ELFN1: variants seen among roughly 807,000 people sequenced by gnomAD.
The protein encoded by ELFN1 is protein ELFN1.
Under a neutral mutation model 7.6 loss-of-function variants are expected in ELFN1, and 6 were observed. The ratio of observed to expected loss-of-function variants is 0.79; its 90% CI spans 0.43 to 1.56. ELFN1 has a LOEUF of 1.56. Ranked by LOEUF, ELFN1 falls within the 40% of genes most tolerant of loss-of-function variation. The pLI, the probability that ELFN1 is intolerant of heterozygous loss-of-function variation, is 0.01. For synonymous variants in ELFN1, 657 were observed against 588.1 expected (o/e 1.12, Z -1.70); for missense variants, 1,169 against 1,232.2 (o/e 0.95, Z 0.77).
chr7:1,705,730 C>G lies in ELFN1; in HGVS notation c.-455-3361C>G, dbSNP rs948856816. Among the ~76,000 whole-genome samples, 4 of 152,236 alleles carry G rather than the reference C, an allele frequency of 2.6e-5. No homozygotes were observed. Among genetic ancestry groups the G allele is most frequent in the African/African-American group, 9.6e-5 (4 of 41,466 alleles). ...TGGCTTTGGGCCTCGGTTTCCTGTC[C>G]ACAACATCCTGCACAGATTTGTTGC... On this transcript the variant is annotated intron_variant, in intron 2 of 3. Transcript: ENST00000424383. This position sits in a 1 kb window ranked among gnomAD's most constrained non-coding sequence, Gnocchi z 4.3.
chr7:1,723,433 T>C (rs1780085453), intron 3 of ELFN1, among the ~76,000 whole-genome samples: 1 of 152,218 alleles, frequency 6.6e-6, no homozygotes, highest in Non-Finnish European at 1.5e-5. Context: ...TTGGAGAGCT[T>C]GCTTGTTGGC....
intron 3 of ELFN1, among the ~76,000 whole-genome samples, chr7:1,737,342 G>A (rs752747791): frequency 2.8e-4 from 43 of 152,072 alleles, no homozygotes; most frequent in Non-Finnish European, 5.4e-4. Context: ...AGTGGACAGA[G>A]CAAGGCCAGG....
rs951965469 is a variant in ELFN1, at chr7:1,673,181, G to A, written c.-549+2827G>A. ...GTGGCCTTGGGTGGGTGTTTGTGGG[G>A]GTGGCTGGTGGTGGAGCCACTGCAG... On this transcript the variant is annotated intron_variant, in intron 1 of 3. Coordinates refer to ENST00000424383, the MANE Select transcript of ELFN1 (RefSeq NM_001128636.4). The surrounding 1 kb of genome is among the most constrained non-coding windows in gnomAD (Gnocchi z 4.7). 6.6e-6 allele frequency among the ~76,000 whole-genome samples: 1 copy of A among 152,146 alleles called. No individual in the cohort carries two copies. The highest frequency in any genetic ancestry group is 1.5e-5 in the Non-Finnish European group (1 of 68,032).
chr7:1,712,850 C>G (rs535982332), intron 3 of ELFN1, among the ~76,000 whole-genome samples: 2 of 152,194 alleles, frequency 1.3e-5, no homozygotes, highest in Non-Finnish European at 2.9e-5. Context: ...TTTATCAGGA[C>G]AGCTTCAAGT....
At chr7:1,727,803 T>G (rs1780237133) in intron 3 of ELFN1, among the ~76,000 whole-genome samples, 1 of 152,172 alleles carries the variant, frequency 6.6e-6, no homozygotes, top group South Asian at 2.1e-4. Flanking sequence ...AGATGGGGTC[T>G]TGCTTTGTTG....
chr7:1,694,150 C>G (rs1002900538), intron 2 of ELFN1: 6 of 242,420 alleles, frequency 2.5e-5, no homozygotes, highest in Admixed American at 2.4e-4. Flanking sequence ...CCCGGCAGAC[C>G]CAGGCCCCTC....
At chr7:1,727,484 TGTGGTCAGTCCTGGGCTG>T (rs1371722415) in intron 3 of ELFN1, among the ~76,000 whole-genome samples, 3 of 140,620 alleles carry the variant, frequency 2.1e-5, no homozygotes, top group African/African-American at 9.8e-5. Flanking sequence ...GGGGTGCCCC[TGTGGTCAGTCCTGGGCTG>T]CCCTAGAAGG....
rs1316290529 is a variant in ELFN1, at chr7:1,673,438, C to T, written c.-549+3084C>T. ...GCCAGTCAGTGGCACCGACAGTAAA[C>T]AGGAAGCAGGGTGGCAGCTATGGGC... On this transcript the variant is annotated intron_variant, in intron 1 of 3. Coordinates refer to ENST00000424383, the MANE Select transcript of ELFN1 (RefSeq NM_001128636.4). The surrounding 1 kb of genome is among the most constrained non-coding windows in gnomAD (Gnocchi z 4.7). Among the ~76,000 whole-genome samples, 1 of 152,172 alleles carries T rather than the reference C, an allele frequency of 6.6e-6. No individual in the cohort carries two copies. Among genetic ancestry groups the T allele is most frequent in the East Asian group, 1.9e-4 (1 of 5,180 alleles).
At chr7:1,718,576 G>C (rs1289943198) in intron 3 of ELFN1, among the ~76,000 whole-genome samples, 1 of 152,192 alleles carries the variant, frequency 6.6e-6, no homozygotes, top group East Asian at 1.9e-4. Context: ...GTAACTTAGT[G>C]TCCAAACCAG....
intron 1 of ELFN1, among the ~76,000 whole-genome samples, chr7:1,671,759 A>G (rs1778771664): frequency 6.6e-6 from 1 of 152,154 alleles, no homozygotes; most frequent in African/African-American, 2.4e-5. Flanking sequence ...TTAATTGAAC[A>G]AGCATTGAGA....
In ELFN1 at chr7:1,745,968, G is replaced by A. The variant is rs771148993; in HGVS notation, c.1372G>A (p.Ala458Thr). ...EKHKKAASAAAAGSLKKTIIE... is the reference protein window; with the variant it reads ...EKHKKAASAATAGSLKKTIIE... ...GCACAAGAAGGCCGCCTCGGCAGCC[G>A]CAGCTGGCAGCCTCAAGAAGACCAT... The change falls in exon 4 of 4, where the codon GCA (alanine) becomes ACA (threonine). Residue 458 changes from alanine to threonine, a missense_variant. Ala to Thr is a moderately conservative substitution (Grantham distance 58). Coordinates refer to ENST00000424383, the MANE Select transcript of ELFN1 (RefSeq NM_001128636.4). The A allele has an allele frequency of 7.3e-5, 113 of 1,545,294 alleles. No homozygotes were observed. Among genetic ancestry groups the A allele is most frequent in the African/African-American group, 1.2e-4 (9 of 72,866 alleles).
At chr7:1,732,705 G>C (rs1452421295) in intron 3 of ELFN1, among the ~76,000 whole-genome samples, 1 of 152,116 alleles carries the variant, frequency 6.6e-6, no homozygotes. Flanking sequence ...GCAGGGGAAG[G>C]CCATGTCGGT....
intron 3 of ELFN1, among the ~76,000 whole-genome samples, chr7:1,722,025 C>T (rs1182913228): frequency 6.6e-6 from 1 of 152,150 alleles, no homozygotes; most frequent in Non-Finnish European, 1.5e-5. Flanking sequence ...CGGTCTTCTG[C>T]GCAGCCCTGG....
At chr7:1,713,490 C>G (rs1382979617) in intron 3 of ELFN1, among the ~76,000 whole-genome samples, 1 of 152,162 alleles carries the variant, frequency 6.6e-6, no homozygotes, top group Non-Finnish European at 1.5e-5. Flanking sequence ...CCCCTCCCCT[C>G]CACTTCCTGT....
intron 2 of ELFN1, among the ~76,000 whole-genome samples, chr7:1,690,840 A>AT (rs758925569): frequency 1.1e-4 from 16 of 151,492 alleles, no homozygotes; most frequent in Admixed American, 7.9e-4. Context: ...GGATGGATGA[A>AT]TTGGTGGGTA....
rs952916640 is a variant in ELFN1 at position 1,740,521 on chromosome 7, C to T, written c.-293-3783C>T. On this transcript the variant is annotated intron_variant, in intron 3 of 3. Transcript: ENST00000424383. The surrounding 1 kb of genome is among the most constrained non-coding windows in gnomAD (Gnocchi z 5.0). ...GCGGATCAGCGAGGGCACAGGCTGGCGGGGCATCGAGAGTGACTTGAGTGA... is the reference window on the plus strand; with the variant it reads ...GCGGATCAGCGAGGGCACAGGCTGGTGGGGCATCGAGAGTGACTTGAGTGA... Among the ~76,000 whole-genome samples the T allele has an allele frequency of 6.6e-6, 1 of 152,156 alleles. No individual in the cohort carries two copies. The highest frequency in any genetic ancestry group is 2.4e-5 in the African/African-American group (1 of 41,428).
In ELFN1 at chr7:1,695,002, G is replaced by C. The variant is rs1199748415; in HGVS notation, c.-456+6852G>C. 6.6e-6 allele frequency among the ~76,000 whole-genome samples: 1 copy of C among 152,222 alleles called. No individual in the cohort carries two copies. Among genetic ancestry groups the C allele is most frequent in the Non-Finnish European group, 1.5e-5 (1 of 68,028 alleles). On this transcript the variant is annotated intron_variant, in intron 2 of 3. Coordinates refer to ENST00000424383, the MANE Select transcript of ELFN1 (RefSeq NM_001128636.4). The surrounding 1 kb of genome is among the most constrained non-coding windows in gnomAD (Gnocchi z 5.1). ...CAAATTCCAGCTCCCTGCCCTCCCTGTTGAGTGCTGCAGAGGGGCGTCGGG... is the reference window on the plus strand; with the variant it reads ...CAAATTCCAGCTCCCTGCCCTCCCTCTTGAGTGCTGCAGAGGGGCGTCGGG...
intron 3 of ELFN1, among the ~76,000 whole-genome samples, chr7:1,715,572 C>A (rs185351576): frequency 6.6e-6 from 1 of 152,356 alleles, no homozygotes; most frequent in East Asian, 1.9e-4. Flanking sequence ...AGCCCCTTCC[C>A]CGCTGCAATC....
At chr7:1,696,232 CAGAG>C (rs1445579551) in intron 2 of ELFN1, among the ~76,000 whole-genome samples, 17 of 134,554 alleles carry the variant, frequency 1.3e-4, no homozygotes, top group South Asian at 9.5e-4. Context: ...AAGAAAGAGA[CAGAG>C]GGAGAGAGAG....
Sources: gnomAD v4.1 joint callset for allele counts (sites outside exome capture counted in the v4.1 genomes callset) on GRCh38, gnomAD v4.1.1 for gene constraint, Gnocchi (gnomAD v3.1) non-coding constraint, MANE v1.5 for transcripts, NCBI Gene and HGNC (gene_info 2026-07-23, HGNC 2026-07-21) for gene names.